The following RNF214 variants were observed in gnomAD, a reference collection of about 807,000 sequenced individuals.
The protein encoded by RNF214 is ring finger protein 214.
Under a neutral mutation model 75.9 loss-of-function variants are expected in RNF214, and 25 were observed. That is an observed-to-expected ratio of 0.33 (90% CI 0.24 to 0.46). RNF214 has a LOEUF of 0.46. Ranked by LOEUF, RNF214 falls within the 20% of genes least tolerant of loss-of-function variation. The probability of loss-of-function intolerance (pLI) is 1.00; values close to 1 mark genes in which losing one functional copy is unlikely to be tolerated. For synonymous variants in RNF214, 314 were observed against 308.8 expected, an observed-to-expected ratio of 1.02 and a Z score of -0.18; for missense variants, 725 against 857.5, an observed-to-expected ratio of 0.85 and a Z score of 1.93.
In RNF214 at chr11:117,232,687, C is replaced by G. The variant is rs991704980; in HGVS notation, c.-46C>G. ...CGGGCCGGCGCTCGACCCCTCCCCC[C>G]GTGGCTCGGCCGCCCCCTCCCCCCG... On this transcript the variant is annotated 5_prime_UTR_variant, in exon 1 of 15. Transcript: ENST00000300650. The G allele has an allele frequency of 6.6e-6, 1 of 150,784 alleles. No homozygotes were observed. The highest frequency in any genetic ancestry group is 2.1e-4 in the South Asian group (1 of 4,822). The allele number at this position is 150,784 out of a possible 1,614,324, so 9.3% of individuals were successfully genotyped here. A position where few individuals can be genotyped will look rare whatever the true frequency, so the allele number is the denominator to read the frequency against.
intron 6 of RNF214, among the ~76,000 whole-genome samples, chr11:117,262,917 C>T (rs571235557): frequency 1.3e-5 from 2 of 152,142 alleles, no homozygotes; most frequent in African/African-American, 4.8e-5. Context: ...CACAATTCTC[C>T]CACCTCAGCC....
At chr11:117,277,291 C>T (rs570057024) in intron 6 of RNF214, among the ~76,000 whole-genome samples, 6 of 151,984 alleles carry the variant, frequency 3.9e-5, no homozygotes, top group Non-Finnish European at 5.9e-5. Flanking sequence ...TGCAGTGAGC[C>T]GAGATCCCGC....
chr11:117,268,268 A>G, intron 6 of RNF214, among the ~76,000 whole-genome samples: 1 of 152,232 alleles, frequency 6.6e-6, no homozygotes. Flanking sequence ...CTTCAGAGTT[A>G]GGCTCTTACC....
At chr11:117,262,331 C>T (rs1052183633) in intron 6 of RNF214, among the ~76,000 whole-genome samples, 1 of 152,136 alleles carries the variant, frequency 6.6e-6, no homozygotes, top group African/African-American at 2.4e-5. Context: ...TGGTGATCTG[C>T]CTGCCTCGGC....
At chr11:117,242,485 G>A (rs1364157320) in intron 4 of RNF214, among the ~76,000 whole-genome samples, 1 of 152,230 alleles carries the variant, frequency 6.6e-6, no homozygotes, top group Admixed American at 6.5e-5. Context: ...GCAAGTTACT[G>A]GGCCAGAAGA....
In RNF214 at chr11:117,238,944, G is replaced by C. The variant is rs2032993505; in HGVS notation, c.451G>C (p.Glu151Gln). 6.2e-7 allele frequency: 1 copy of C among 1,614,058 alleles called. No homozygotes were observed. The highest frequency in any genetic ancestry group is 1.7e-5 in the Admixed American group (1 of 59,986). ...GCAGCTTGCCTCCAGGAATTGCTCTGAAGAGAAATCCCCACAAACCTCCAT... is the reference window on the plus strand; with the variant it reads ...GCAGCTTGCCTCCAGGAATTGCTCTCAAGAGAAATCCCCACAAACCTCCAT... The part of the protein sequence containing the change: ...TKQLASRNCS[E>Q]EKSPQTSILK... The change falls in exon 3 of 15, where the codon GAA (glutamate) becomes CAA (glutamine). Residue 151 changes from glutamate (E) to glutamine (Q), a missense_variant. By Grantham distance (29) the Glu-to-Gln change is conservative (BLOSUM62 2). Coordinates refer to ENST00000300650, the MANE Select transcript of RNF214 (RefSeq NM_207343.4).
At chr11:117,257,084 C>T (rs2134385319) in intron 6 of RNF214, among the ~76,000 whole-genome samples, 1 of 152,256 alleles carries the variant, frequency 6.6e-6, no homozygotes, top group East Asian at 1.9e-4. Flanking sequence ...TGCCTATAAT[C>T]CCAGCTCTTT....
At chr11:117,250,077 A>T (rs2033330658) in intron 6 of RNF214, among the ~76,000 whole-genome samples, 1 of 152,246 alleles carries the variant, frequency 6.6e-6, no homozygotes, top group African/African-American at 2.4e-5. Context: ...TGAGAGACAT[A>T]GATAAACAGA....
chr11:117,256,888 T>G (rs1448565919), intron 6 of RNF214, among the ~76,000 whole-genome samples: 2 of 152,160 alleles, frequency 1.3e-5, no homozygotes, highest in Non-Finnish European at 2.9e-5. Context: ...TAGTATATAG[T>G]AATATCTTCT....
chr11:117,284,740 G>A (rs1340236537), intron 14 of RNF214, among the ~76,000 whole-genome samples: 1 of 152,044 alleles, frequency 6.6e-6, no homozygotes, highest in Non-Finnish European at 1.5e-5. Flanking sequence ...GACCAGCCTG[G>A]CCAACAAAGT....
intron 6 of RNF214, among the ~76,000 whole-genome samples, chr11:117,271,267 A>G (rs749443760): frequency 6.6e-6 from 1 of 152,180 alleles, no homozygotes; most frequent in African/African-American, 2.4e-5. Context: ...GGCCAAGAAG[A>G]CAGCTCCTAC....
chr11:117,274,117 G>A (rs527616069), intron 6 of RNF214, among the ~76,000 whole-genome samples: 51 of 151,870 alleles, frequency 3.4e-4, no homozygotes, highest in Non-Finnish European at 6.5e-4. Flanking sequence ...GTTTATTTTC[G>A]TTTCTCCCCC....
intron 3 of RNF214, 136 bp from the exon 4 acceptor site, chr11:117,239,665 T>G: frequency 1.5e-6 from 1 of 658,504 alleles, no homozygotes; most frequent in Non-Finnish European, 2.8e-6. Flanking sequence ...AGAACTACAT[T>G]GCTTAGCTTG....
Position 117,247,009 on chromosome 11 carries a change from C to T in RNF214, c.959+61C>T, listed in dbSNP as rs541181265. 9.3e-5 allele frequency: 119 copies of T among 1,279,008 alleles called. No homozygotes were observed. In the Admixed American group the frequency reaches 2.7e-3, roughly 29 times the overall value. 79.2% of individuals were successfully genotyped at this position (1,279,008 alleles called of 1,614,324 possible). ...GTATATATGCATGAGGGGCCAGACC[C>T]GTTTGTATTTGTAGTTTCTTTCCCT... On this transcript the variant is annotated intron_variant, in intron 6 of 14. Transcript: ENST00000300650.
chr11:117,234,137 C>T (rs1411137749), intron 1 of RNF214, 130 bp from the exon 2 acceptor site: 1 of 679,102 alleles, frequency 1.5e-6, no homozygotes, highest in African/African-American at 1.8e-5. Flanking sequence ...TAAGTATTTT[C>T]TCCCGGAGCC....
chr11:117,249,738 T>C (rs992318667), intron 6 of RNF214, among the ~76,000 whole-genome samples: 1 of 152,232 alleles, frequency 6.6e-6, no homozygotes, highest in Non-Finnish European at 1.5e-5. Context: ...TGCCTTCTTC[T>C]GGTCTCACAT....
At chr11:117,236,478 T>C (rs1372436378) in intron 2 of RNF214, among the ~76,000 whole-genome samples, 1 of 152,064 alleles carries the variant, frequency 6.6e-6, no homozygotes, top group Non-Finnish European at 1.5e-5. Context: ...TTCACCATGT[T>C]GTCCAGGATG....
chr11:117,258,740 G>T (rs1202437865), intron 6 of RNF214, among the ~76,000 whole-genome samples: 1 of 152,050 alleles, frequency 6.6e-6, no homozygotes, highest in African/African-American at 2.4e-5. Flanking sequence ...AAACCTGAAA[G>T]TTCACTCTTG....
chr11:117,263,094 A>G (rs538137591), intron 6 of RNF214, among the ~76,000 whole-genome samples: 183 of 149,776 alleles, frequency 1.2e-3, no homozygotes, highest in African/African-American at 4.2e-3. Flanking sequence ...GGCGTGAGCC[A>G]CTACGCCCAG....
Sources: gnomAD v4.1 joint callset for allele counts (sites outside exome capture counted in the v4.1 genomes callset) on GRCh38, gnomAD v4.1.1 for gene constraint, MANE v1.5 for transcripts, NCBI Gene and HGNC (gene_info 2026-07-23, HGNC 2026-07-21) for gene names.